The following MTHFD2L variants were observed in gnomAD, a reference collection of about 807,000 sequenced individuals.
MTHFD2L encodes methylenetetrahydrofolate dehydrogenase (NADP+ dependent) 2 like.
MTHFD2L carries 29 observed loss-of-function variants against 34.9 expected under a neutral mutation model. The ratio of observed to expected loss-of-function variants is 0.83; its 90% CI spans 0.62 to 1.13. The LOEUF is 1.13. Ranked by LOEUF, MTHFD2L falls within the 50% of genes most tolerant of loss-of-function variation. MTHFD2L has a pLI of 0.00. For synonymous variants in MTHFD2L, 167 were observed against 155.7 expected (o/e 1.07, Z -0.54); for missense variants, 481 against 446.5 (o/e 1.08, Z -0.70).
chr4:74,188,456 C>T (rs1161852023), intron 3 of MTHFD2L, among the ~76,000 whole-genome samples: 1 of 152,124 alleles, frequency 6.6e-6, no homozygotes, highest in African/African-American at 2.4e-5. Flanking sequence ...TCATCTAAAT[C>T]TAATTGGCCT....
intron 3 of MTHFD2L, among the ~76,000 whole-genome samples, chr4:74,191,891 A>G (rs1732600967): frequency 6.6e-6 from 1 of 152,130 alleles, no homozygotes; most frequent in Non-Finnish European, 1.5e-5. Context: ...GTTAGAGGAT[A>G]TGGAAGGATC....
At chr4:74,205,446 T>A (rs1735129893) in intron 5 of MTHFD2L, among the ~76,000 whole-genome samples, 1 of 152,212 alleles carries the variant, frequency 6.6e-6, no homozygotes, top group Non-Finnish European at 1.5e-5. Context: ...CCCTAGTGAT[T>A]CGTTTTTGTC....
intron 1 of MTHFD2L, among the ~76,000 whole-genome samples, chr4:74,170,015 A>G (rs1371409698): frequency 1.3e-5 from 2 of 152,184 alleles, no homozygotes; most frequent in Non-Finnish European, 2.9e-5. Flanking sequence ...AAAACCCCAG[A>G]ATCAGATAGC....
chr4:74,254,398 A>G (rs1008300853), intron 6 of MTHFD2L, among the ~76,000 whole-genome samples: 4 of 152,208 alleles, frequency 2.6e-5, no homozygotes, highest in African/African-American at 9.6e-5. Flanking sequence ...AAAGTGAATC[A>G]TCTTAAACAA....
chr4:74,292,580 G>C (rs1193803841), intron 7 of MTHFD2L, among the ~76,000 whole-genome samples: 2 of 152,114 alleles, frequency 1.3e-5, no homozygotes, highest in African/African-American at 4.8e-5. Context: ...GGGATTGGGT[G>C]GGGGAGGGAA....
chr4:74,288,644 G>T (rs1748494104), intron 7 of MTHFD2L, among the ~76,000 whole-genome samples: 1 of 152,094 alleles, frequency 6.6e-6, no homozygotes, highest in Non-Finnish European at 1.5e-5. Context: ...CTTTCTAATT[G>T]GTTTCAAAGC....
intron 6 of MTHFD2L, among the ~76,000 whole-genome samples, chr4:74,252,612 TG>T (rs1228725121): frequency 6.6e-6 from 1 of 152,108 alleles, no homozygotes; most frequent in Non-Finnish European, 1.5e-5. Context: ...AAAAATATTT[TG>T]AAGTTAAAAA....
chr4:74,203,856 C>G (rs895700023), intron 5 of MTHFD2L, among the ~76,000 whole-genome samples: 3 of 150,406 alleles, frequency 2.0e-5, no homozygotes, highest in African/African-American at 7.3e-5. Flanking sequence ...CCTAAGTATA[C>G]TATTTCTTCT....
At chr4:74,252,165 G>A (rs772531815) in intron 6 of MTHFD2L, among the ~76,000 whole-genome samples, 8 of 152,190 alleles carry the variant, frequency 5.3e-5, no homozygotes, top group Non-Finnish European at 7.3e-5. Flanking sequence ...TATAGCTTGC[G>A]GCTCCTGCAG....
At chr4:74,190,430 C>A in intron 3 of MTHFD2L, 6 of 969,790 alleles carry the variant, frequency 6.2e-6, no homozygotes, top group Non-Finnish European at 7.4e-6. Context: ...AGTAAGCCTG[C>A]CTGAGGACAT....
chr4:74,265,734 T>G (rs917200138), intron 6 of MTHFD2L, among the ~76,000 whole-genome samples: 2 of 152,152 alleles, frequency 1.3e-5, no homozygotes, highest in African/African-American at 4.8e-5. Flanking sequence ...TGCATACTAT[T>G]TTTGTCATGA....
intron 6 of MTHFD2L, among the ~76,000 whole-genome samples, chr4:74,276,983 G>C (rs1174209847): frequency 6.6e-6 from 1 of 151,822 alleles, no homozygotes; most frequent in Non-Finnish European, 1.5e-5. Context: ...GAATTGAAAG[G>C]CATAACTAAT....
chr4:74,128,724 T>C (rs1722256924), intron 1 of MTHFD2L, among the ~76,000 whole-genome samples: 1 of 152,106 alleles, frequency 6.6e-6, no homozygotes, highest in Non-Finnish European at 1.5e-5. Context: ...TGGTTCTATG[T>C]AAATTTGAGA....
intron 3 of MTHFD2L, among the ~76,000 whole-genome samples, chr4:74,175,712 C>T (rs922704089): frequency 5.3e-5 from 8 of 152,072 alleles, no homozygotes; most frequent in African/African-American, 1.9e-4. Flanking sequence ...GTAAAAATAA[C>T]AATTTTTCTG....
At position 74,225,336 on chromosome 4, in the gene MTHFD2L, C is replaced by T. The variant is rs146379578; in HGVS notation, c.747C>T (p.Thr249=). ...CTGTGACAATAGCTCACAGATACAC[C>T]CCCAAAGAGCAACTGAAGATTCATA... is the stretch of plus-strand genomic sequence containing the variant. ...DATVTIAHRY[T]PKEQLKIHTQ... The change falls in exon 6 of 8, where the codon ACC becomes ACT. Residue 249 remains threonine (T), a synonymous_variant. Coordinates refer to ENST00000325278, the MANE Select transcript of MTHFD2L (RefSeq NM_001144978.3). The T allele has an allele frequency of 1.3e-4, 210 of 1,612,862 alleles. No individual in the cohort carries two copies. Among genetic ancestry groups the T allele is most frequent in the Non-Finnish European group, 1.7e-4 (197 of 1,179,308 alleles).
At chr4:74,260,009 T>G (rs1043439160) in intron 6 of MTHFD2L, among the ~76,000 whole-genome samples, 1 of 152,084 alleles carries the variant, frequency 6.6e-6, no homozygotes, top group African/African-American at 2.4e-5. Context: ...CCTTGGGGAA[T>G]GGGCACTTAT....
At chr4:74,220,254 A>G (rs1029143049) in intron 5 of MTHFD2L, among the ~76,000 whole-genome samples, 5 of 151,974 alleles carry the variant, frequency 3.3e-5, no homozygotes, top group South Asian at 2.1e-4. Context: ...ATGGTTATAA[A>G]TATATACTCA....
At chr4:74,193,481 G>A (rs1732931039) in intron 3 of MTHFD2L, among the ~76,000 whole-genome samples, 1 of 152,114 alleles carries the variant, frequency 6.6e-6, no homozygotes. Flanking sequence ...AAACGACATA[G>A]GATTATGATT....
At chr4:74,245,458 A>G (rs1040435737) in intron 6 of MTHFD2L, among the ~76,000 whole-genome samples, 1 of 149,906 alleles carries the variant, frequency 6.7e-6, no homozygotes, top group African/African-American at 2.5e-5. Flanking sequence ...ATATCATTAG[A>G]TATAATTATT....
Sources: allele counts gnomAD v4.1 joint callset (sites outside exome capture counted in the v4.1 genomes callset), GRCh38; gene constraint gnomAD v4.1.1; transcripts MANE v1.5; gene names NCBI Gene and HGNC (gene_info 2026-07-23, HGNC 2026-07-21).